The following U2AF1L4 variants were observed in gnomAD, a reference collection of about 807,000 sequenced individuals.
U2AF1L4 encodes the protein U2 small nuclear RNA auxiliary factor 1 like 4, also known as splicing factor U2AF 26 kDa subunit.
U2AF1L4 carries 21 observed loss-of-function variants against 21.7 expected under a neutral mutation model. The ratio of observed to expected loss-of-function variants is 0.97; its 90% CI spans 0.69 to 1.39. The LOEUF (loss-of-function observed/expected upper bound fraction) is 1.39. U2AF1L4 is among the 40% of genes most tolerant of loss of function. The pLI is 0.00. For synonymous variants in U2AF1L4, 92 were observed against 89.7 expected, an observed-to-expected ratio of 1.03 and a Z score of -0.15; for missense variants, 259 against 245.7, an observed-to-expected ratio of 1.05 and a Z score of -0.36.
chr19:35,745,159 C>T lies in U2AF1L4; in HGVS notation c.98G>A (p.Cys33Tyr). 3 of 1,613,622 alleles carry T rather than the reference C, an allele frequency of 1.9e-6. No homozygotes were observed. Among genetic ancestry groups the T allele is most frequent in the Non-Finnish European group, 2.5e-6 (3 of 1,180,020 alleles). ...TGTCGGCTTGTTGTGAAGCCGGGAGCACCGGTCCCCGTGCCGGCAGACCCC... is the reference window on the plus strand; with the variant it reads ...TGTCGGCTTGTTGTGAAGCCGGGAGTACCGGTCCCCGTGCCGGCAGACCCC... Reference protein sequence around the residue: ...KIGVCRHGDRCSRLHNKPTFS... With the variant: ...KIGVCRHGDRYSRLHNKPTFS... The change falls in exon 2 of 6, where the codon TGC (cysteine) becomes TAC (tyrosine). Residue 33 changes from cysteine (C) to tyrosine (Y), a missense_variant. Cys to Tyr is a radical substitution (Grantham distance 194, BLOSUM62 -2). Transcript: ENST00000378975.
chr19:35,743,399 A>AC (rs1970370881), intron 5 of U2AF1L4: 4 of 217,112 alleles, frequency 1.8e-5, no homozygotes, highest in African/African-American at 2.6e-5. Context: ...AAAAAAAAAA[A>AC]AAAACAGTCA....
intron 5 of U2AF1L4, 71 bp downstream of exon 5, chr19:35,743,738 A>T: frequency 9.0e-5 from 84 of 931,458 alleles, no homozygotes; most frequent in Middle Eastern, 2.7e-4. Flanking sequence ...ACTGGGGCTT[A>T]GGGTTAGGCT....
At chr19:35,743,708 A>C (rs1361698652) in intron 5 of U2AF1L4, 101 bp downstream of exon 5, 25 of 883,554 alleles carry the variant, frequency 2.8e-5, no homozygotes, top group Non-Finnish European at 4.2e-5. Flanking sequence ...AAAAAAAAAA[A>C]GATTCTTGGG....
chr19:35,742,486 T>G (rs1427022040), downstream of U2AF1L4: 1 of 1,568,330 alleles, frequency 6.4e-7, no homozygotes, highest in African/African-American at 1.3e-5. Context: ...TTTCGTCACA[T>G]GTGTGGGTGG....
chr19:35,744,315 G>A lies in U2AF1L4; in HGVS notation c.231+8C>T. The A allele has an allele frequency of 3.7e-6, 6 of 1,613,908 alleles. No individual in the cohort carries two copies. In the East Asian group the frequency reaches 1.1e-4, roughly 30 times the overall value. ...ACTTCTGGGCCCTAAGTGGGGGGCAGCAAGCACCTTGACATAGACGTTGCC... is the reference window on the plus strand; with the variant it reads ...ACTTCTGGGCCCTAAGTGGGGGGCAACAAGCACCTTGACATAGACGTTGCC... On this transcript the variant is annotated splice_region_variant and intron_variant, in intron 3 of 5. Coordinates refer to ENST00000378975, the MANE Select transcript of U2AF1L4 (RefSeq NM_001040425.3).
chr19:35,744,572 G>C, intron 2 of U2AF1L4, 151 bp from the exon 3 acceptor site: 4 of 1,551,732 alleles, frequency 2.6e-6, no homozygotes, highest in Non-Finnish European at 3.5e-6. Flanking sequence ...TGGAATCAGA[G>C]TGTAGCCTAC....
At position 35,744,148 on chromosome 19, in the gene U2AF1L4, G is replaced by A. The variant is rs759757820; in HGVS notation, c.232-3C>T. ...TCTCCATCCTCCTCCCTCCGGAACT[G>A]CAGGAAATGTCAGTCAGGGTCAGCA... On this transcript the variant is annotated splice_polypyrimidine_tract_variant and splice_region_variant and intron_variant, in intron 3 of 5. Transcript: ENST00000378975. 15 of 1,613,400 alleles carry A rather than the reference G, an allele frequency of 9.3e-6. No homozygotes were observed. Among genetic ancestry groups the A allele is most frequent in the Middle Eastern group, 1.7e-4 (1 of 6,060 alleles).
rs148860517 is a variant in U2AF1L4, at chr19:35,745,155, G to A, written c.102C>T (p.Ser34=). The A allele has an allele frequency of 8.7e-6, 14 of 1,613,380 alleles. No individual in the cohort carries two copies. Among genetic ancestry groups the A allele is most frequent in the African/African-American group, 2.7e-5 (2 of 74,894 alleles). Residue 34 remains serine, a synonymous_variant, in exon 2 of 6, where the codon TCC becomes TCT. Transcript: ENST00000378975. ...IGVCRHGDRC[S]RLHNKPTFSQ... is the part of the protein sequence containing the mutation. ...TGAATGTCGGCTTGTTGTGAAGCCGGGAGCACCGGTCCCCGTGCCGGCAGA... is the reference window on the plus strand; with the variant it reads ...TGAATGTCGGCTTGTTGTGAAGCCGAGAGCACCGGTCCCCGTGCCGGCAGA...
In U2AF1L4 at chr19:35,744,108, T is replaced by G. The variant is rs747352747; in HGVS notation, c.269A>C (p.Glu90Ala). 1.2e-6 allele frequency: 2 copies of G among 1,613,966 alleles called. No individual in the cohort carries two copies. The highest frequency in any genetic ancestry group is 1.7e-5 in the Admixed American group (1 of 59,998). The change falls in exon 4 of 6, where the codon GAA becomes GCA. Residue 90 changes from glutamate (E) to alanine (A), a missense_variant. By Grantham distance (107) the Glu-to-Ala change is moderately radical (BLOSUM62 -1). Transcript: ENST00000378975. ...REEDGERAVAELSNRWFNGQA... is the reference protein window; with the variant it reads ...REEDGERAVAALSNRWFNGQA... ...CCCGTTGAACCAGCGGTTACTGAGT[T>G]CAGCCACGGCCCGCTCTCCATCCTC...
intron 2 of U2AF1L4, chr19:35,744,717 G>A (rs549965249): frequency 2.6e-6 from 4 of 1,536,024 alleles, no homozygotes; most frequent in Admixed American, 3.9e-5. Flanking sequence ...AAAGGGGCGG[G>A]GCCTGAGCTC....
At chr19:35,744,547 TG>T (rs1203495037) in intron 2 of U2AF1L4, 126 bp from the exon 3 acceptor site, 2 of 1,454,360 alleles carry the variant, frequency 1.4e-6, no homozygotes, top group Admixed American at 1.9e-5. Flanking sequence ...TGACCTGGGG[TG>T]GGGGCGGGCA....
rs547575400 is a variant in U2AF1L4, at chr19:35,743,185, C to T, written c.462-382G>A. The T allele has an allele frequency of 8.4e-4, 252 of 301,156 alleles. 2 individuals are homozygous for T. The highest frequency in any genetic ancestry group is 5.5e-3 in the African/African-American group (238 of 43,336). The allele number at this position is 301,156 out of a possible 1,614,324, so 18.7% of individuals were successfully genotyped here. On this transcript the variant is annotated intron_variant, in intron 5 of 5. Coordinates refer to ENST00000378975, the MANE Select transcript of U2AF1L4 (RefSeq NM_001040425.3). ...GTCCGGAGTTCGAGACCAGGCTGGC[C>T]AACGTGGTGAAACCCCATCTCTACT...
chr19:35,743,559 G>A (rs1434502909), intron 5 of U2AF1L4: 1 of 506,994 alleles, frequency 2.0e-6, no homozygotes, highest in East Asian at 3.7e-5. Flanking sequence ...ATGGTGGCAG[G>A]TGCCTGTAAT....
At chr19:35,744,253 G>C in intron 3 of U2AF1L4, 70 bp downstream of exon 3, 4 of 1,607,244 alleles carry the variant, frequency 2.5e-6, no homozygotes, top group Non-Finnish European at 2.6e-6. Flanking sequence ...CAAGCTGAGA[G>C]CCTACAGTGG....
rs778476545 is a variant in U2AF1L4, at chr19:35,742,535, G to A, written c.*184C>T. 6.0e-5 allele frequency: 96 copies of A among 1,610,148 alleles called. No individual in the cohort carries two copies. The highest frequency in any genetic ancestry group is 4.5e-4 in the East Asian group (20 of 44,830). On this transcript the variant is annotated 3_prime_UTR_variant, in exon 6 of 6. Transcript: ENST00000378975. ...ACCACAGCAAAAGCAAGTTGATGCC[G>A]AAGTGAAACACGCAGCTTTATTAAG...
chr19:35,745,081 G>A, intron 2 of U2AF1L4, 44 bp downstream of exon 2: 1 of 1,582,788 alleles, frequency 6.3e-7, no homozygotes, highest in Non-Finnish European at 8.6e-7. Context: ...GAAGGGGAAG[G>A]GCCAGGGAGC....
chr19:35,743,686 C>CAAAAAAA (rs36076889), intron 5 of U2AF1L4, 123 bp downstream of exon 5: 3 of 495,194 alleles, frequency 6.1e-6, no homozygotes, highest in Non-Finnish European at 9.9e-6. Context: ...GGCTCCATCT[C>CAAAAAAA]AAAAAAAAAA....
rs776899757 is a variant in U2AF1L4 at position 35,744,143 on chromosome 19, G to A, written c.234C>T (p.Phe78=). 1.9e-6 allele frequency: 3 copies of A among 1,613,540 alleles called. No homozygotes were observed. In the South Asian group the frequency reaches 3.3e-5, roughly 18 times the overall value. The change falls in exon 4 of 6, where the codon TTC becomes TTT. Residue 78 remains phenylalanine (F), a splice_region_variant and synonymous_variant. Transcript: ENST00000378975. ...CCCGCTCTCCATCCTCCTCCCTCCG[G>A]AACTGCAGGAAATGTCAGTCAGGGT... ...DHLVGNVYVK[F]RREEDGERAV... is the part of the protein sequence containing the mutation.
intron 5 of U2AF1L4, chr19:35,743,295 C>G: frequency 3.8e-6 from 1 of 259,908 alleles, no homozygotes; most frequent in Non-Finnish European, 7.4e-6. Flanking sequence ...ATTGCTTGAA[C>G]CTGGGAGGCA....
Sources: gnomAD v4.1 joint callset for allele counts on GRCh38, gnomAD v4.1.1 for gene constraint, MANE v1.5 for transcripts, NCBI Gene and HGNC (gene_info 2026-07-23, HGNC 2026-07-21) for gene names.